The following ABCB1 variants were observed in gnomAD, a reference collection of about 807,000 sequenced individuals.
ABCB1 encodes the protein ATP binding cassette subfamily B member 1, also known as ATP-dependent translocase ABCB1.
ABCB1 carries 69 observed loss-of-function variants against 142.0 expected under a neutral mutation model. The ratio of observed to expected loss-of-function variants is 0.49; its 90% confidence interval spans 0.40 to 0.59. The LOEUF (loss-of-function observed/expected upper bound fraction) is 0.59, where lower values mean the gene tolerates loss of function less well. Ranked by LOEUF, ABCB1 falls within the 20% of genes least tolerant of loss-of-function variation. The probability of loss-of-function intolerance (pLI) is 0.00; values close to 1 mark genes in which losing one functional copy is unlikely to be tolerated. For synonymous variants in ABCB1, 532 were observed against 539.2 expected, an observed-to-expected ratio of 0.99 and a Z score of 0.18; for missense variants, 1,326 against 1,554.7, an observed-to-expected ratio of 0.85 and a Z score of 2.47.
chr7:87,661,719 G>A (rs1824735716), intron 1 of ABCB1, among the ~76,000 whole-genome samples: 1 of 152,032 alleles, frequency 6.6e-6, no homozygotes, highest in South Asian at 2.1e-4. Flanking sequence ...ACATTGGAGT[G>A]CAGCTATCTC....
chr7:87,638,068 TTG>T (rs1433185881), intron 1 of ABCB1, among the ~76,000 whole-genome samples: 1 of 152,154 alleles, frequency 6.6e-6, no homozygotes, highest in Non-Finnish European at 1.5e-5. Context: ...TAAATTTTTT[TTG>T]TCTTTCAAGT....
chr7:87,535,478 G>A (rs28381959), intron 20 of ABCB1, among the ~76,000 whole-genome samples: 457 of 151,766 alleles, frequency 3.0e-3, no homozygotes, highest in African/African-American at 0.01. Context: ...GATTACAGGC[G>A]TGCACCTGTA....
intron 15 of ABCB1, among the ~76,000 whole-genome samples, chr7:87,545,462 G>T (rs1014935430): frequency 6.6e-6 from 1 of 152,070 alleles, no homozygotes; most frequent in Non-Finnish European, 1.5e-5. Flanking sequence ...ATATATTATT[G>T]ATATCCCATG....
At chr7:87,697,916 C>G (rs1396192488) in intron 1 of ABCB1, among the ~76,000 whole-genome samples, 1 of 152,048 alleles carries the variant, frequency 6.6e-6, no homozygotes, top group Non-Finnish European at 1.5e-5. Context: ...CCTGCTTCCC[C>G]TCCAAACGGC....
Position 87,549,490 on chromosome 7 carries a change from CCT to C in ABCB1, c.1581_1582del (p.Ala529ProfsTer27), listed in dbSNP as rs745745163. The C allele has an allele frequency of 6.2e-7, 1 of 1,613,968 alleles. No individual in the cohort carries two copies. The highest frequency in any genetic ancestry group is 8.5e-7 in the Non-Finnish European group (1 of 1,180,014). ...CTTCTGCCCACCACTCAACTGGGCC[CCT>C]CTCTCTCCAACCAGGGTGTCAAATT... On this transcript the variant is annotated frameshift_variant, in exon 14 of 28. Transcript: ENST00000622132. LOFTEE classifies it high-confidence loss of function.
intron 23 of ABCB1, among the ~76,000 whole-genome samples, chr7:87,518,658 T>A (rs28401786): frequency 6.6e-6 from 1 of 152,240 alleles, no homozygotes; most frequent in East Asian, 1.9e-4. Flanking sequence ...AATTATGTTA[T>A]GCTATCAAGA....
rs1401780801 is a variant in ABCB1, at chr7:87,613,023, TTTTTA to T, written c.-330-11950_-330-11946del. ...TAGGTTTTGGTGGGTTTTTTTTTTT[TTTTTA>T]ATCTATTGTAAGGGGGATTGGGTTC... On this transcript the variant is annotated intron_variant, in intron 1 of 28. Transcript: ENST00000265724. Among the ~76,000 whole-genome samples the T allele has an allele frequency of 2.9e-3, 441 of 151,282 alleles. 2 individuals carry two copies. The highest frequency in any genetic ancestry group is 0.01 in the African/African-American group (425 of 41,402).
intron 5 of ABCB1, among the ~76,000 whole-genome samples, chr7:87,568,335 C>A (rs142616456): frequency 2.4e-4 from 36 of 150,266 alleles, no homozygotes; most frequent in African/African-American, 6.9e-4. Context: ...GCAGGAGAAT[C>A]GCTTGAAGGC....
At chr7:87,669,431 T>C (rs753720808) in intron 1 of ABCB1, among the ~76,000 whole-genome samples, 3 of 152,192 alleles carry the variant, frequency 2.0e-5, no homozygotes, top group Non-Finnish European at 4.4e-5. Flanking sequence ...TTTATCCAGC[T>C]TCTCACTGTG....
intron 1 of ABCB1, chr7:87,694,098 TTG>T: frequency 2.7e-6 from 4 of 1,480,732 alleles, no homozygotes; most frequent in Non-Finnish European, 3.6e-6. Flanking sequence ...TTGTGTGTTT[TTG>T]TTTTTTTTTT....
At chr7:87,512,122 T>C (rs1028301951) in intron 25 of ABCB1, among the ~76,000 whole-genome samples, 1 of 152,046 alleles carries the variant, frequency 6.6e-6, no homozygotes, top group Non-Finnish European at 1.5e-5. Flanking sequence ...TTCCAGTATT[T>C]GGTTATGATT....
In ABCB1 at chr7:87,550,463, T is replaced by C; in HGVS notation, c.1224+5A>G. The C allele has an allele frequency of 6.2e-7, 1 of 1,610,630 alleles. No homozygotes were observed. On this transcript the variant is annotated splice_donor_5th_base_variant and intron_variant, in intron 11 of 27. Coordinates refer to ENST00000622132, the MANE Select transcript of ABCB1 (RefSeq NM_001348946.2). ...TAATTGTTGATTAATCATTTATCAC[T>C]GTACCTTAACTTCTTTTCGAGATGG...
chr7:87,516,817 G>T (rs1323240354), intron 23 of ABCB1, 152 bp from the exon 24 acceptor site: 10 of 799,170 alleles, frequency 1.3e-5, no homozygotes, highest in Non-Finnish European at 1.9e-5. Context: ...GCTCACTAAA[G>T]ATATGATCTC....
chr7:87,703,598 A>G (rs1287640543), intron 1 of ABCB1, among the ~76,000 whole-genome samples: 1 of 152,096 alleles, frequency 6.6e-6, no homozygotes, highest in Non-Finnish European at 1.5e-5. Context: ...AGGTTGGATC[A>G]GTTTTCTTCT....
intron 1 of ABCB1, among the ~76,000 whole-genome samples, chr7:87,625,008 G>C (rs187110184): frequency 6.6e-6 from 1 of 152,206 alleles, no homozygotes; most frequent in Non-Finnish European, 1.5e-5. Context: ...TGTAATCCCA[G>C]CACTCTGGGA....
At chr7:87,521,166 C>CTTCG in intron 21 of ABCB1, 1 of 418,962 alleles carries the variant, frequency 2.4e-6, no homozygotes, top group East Asian at 5.0e-5. Flanking sequence ...GCAAAATTAA[C>CTTCG]CAGAGAACTC....
At chr7:87,655,305 A>G (rs1585015665) in intron 1 of ABCB1, among the ~76,000 whole-genome samples, 1 of 152,142 alleles carries the variant, frequency 6.6e-6, no homozygotes, top group African/African-American at 2.4e-5. Context: ...ACTAGCTAAG[A>G]TAAGGACTCA....
At chr7:87,572,960 C>G (rs1317889329) in intron 4 of ABCB1, among the ~76,000 whole-genome samples, 1 of 152,050 alleles carries the variant, frequency 6.6e-6, no homozygotes, top group Admixed American at 6.6e-5. Context: ...GGCTTAATAC[C>G]TGGGTGATGA....
chr7:87,640,999 T>A (rs1822395380), intron 1 of ABCB1, among the ~76,000 whole-genome samples: 1 of 152,212 alleles, frequency 6.6e-6, no homozygotes, highest in African/African-American at 2.4e-5. Context: ...TTTAGAATTT[T>A]GAATTATCTT....
Sources: allele counts gnomAD v4.1 joint callset (sites outside exome capture counted in the v4.1 genomes callset), GRCh38; gene constraint gnomAD v4.1.1; transcripts MANE v1.5; gene names NCBI Gene and HGNC (gene_info 2026-07-23, HGNC 2026-07-21).